Variants in KCNQ1 observed in about 807,000 individuals in gnomAD.
The protein encoded by KCNQ1 is potassium voltage-gated channel subfamily Q member 1.
KCNQ1 carries 49 observed loss-of-function variants against 72.4 expected under a neutral mutation model. The observed-to-expected ratio is 0.68, with a 90% CI of 0.54 to 0.86. KCNQ1 has a LOEUF of 0.86. Ranked by LOEUF, KCNQ1 falls within the 40% of genes least tolerant of loss-of-function variation. The pLI, the probability that KCNQ1 is intolerant of heterozygous loss-of-function variation, is 0.00. For missense variants in KCNQ1, 790 were observed against 945.1 expected, an observed-to-expected ratio of 0.84 and a Z score of 2.15; for synonymous variants, 450 against 412.6, an observed-to-expected ratio of 1.09 and a Z score of -1.10.
At chr11:2,545,850 A>G (rs1682513713) in intron 2 of KCNQ1, among the ~76,000 whole-genome samples, 1 of 152,194 alleles carries the variant, frequency 6.6e-6, no homozygotes, top group African/African-American at 2.4e-5. Context: ...CAGCTATAGA[A>G]TTTGTAGCAA....
rs547376040 is a variant in KCNQ1, at chr11:2,497,514, A to G, written c.387-30414A>G. On this transcript the variant is annotated intron_variant, in intron 1 of 15. Coordinates refer to ENST00000155840, the MANE Select transcript of KCNQ1 (RefSeq NM_000218.3). This position sits in a 1 kb window ranked among gnomAD's most constrained non-coding sequence, Gnocchi z 4.5. ...TTCTCATGCTGTGTTTTTCAGCTCCATGAGGTCATTTATGTTCCTCTCTAA... is the reference window on the plus strand; with the variant it reads ...TTCTCATGCTGTGTTTTTCAGCTCCGTGAGGTCATTTATGTTCCTCTCTAA... Among the ~76,000 whole-genome samples the G allele has an allele frequency of 1.1e-4, 17 of 152,266 alleles. No homozygotes were observed. The highest frequency in any genetic ancestry group is 3.9e-4 in the African/African-American group (16 of 41,536).
intron 15 of KCNQ1, among the ~76,000 whole-genome samples, chr11:2,847,540 C>T (rs561743255): frequency 2.2e-4 from 33 of 152,326 alleles, no homozygotes; most frequent in African/African-American, 7.0e-4. Context: ...CCAGCACGCA[C>T]GGGATGGACT....
Position 2,537,916 on chromosome 11 carries a change from A to G in KCNQ1, c.477+9898A>G, listed in dbSNP as rs1847761241. 1.3e-5 allele frequency among the ~76,000 whole-genome samples: 2 copies of G among 152,058 alleles called. No homozygotes were observed. The highest frequency in any genetic ancestry group is 2.4e-5 in the African/African-American group (1 of 41,374). On this transcript the variant is annotated intron_variant, in intron 2 of 15. Coordinates refer to ENST00000155840, the MANE Select transcript of KCNQ1 (RefSeq NM_000218.3). The surrounding 1 kb of genome is among the most constrained non-coding windows in gnomAD (Gnocchi z 5.2). ...TTTTTTGTAGAGATAGGGTTTTGCC[A>G]TGTTACCTAGGCTGGTCTTAAACTC...
chr11:2,820,443 C>T (rs962550047), intron 15 of KCNQ1, among the ~76,000 whole-genome samples: 1 of 152,154 alleles, frequency 6.6e-6, no homozygotes, highest in Non-Finnish European at 1.5e-5. Context: ...TCCTTTGGTG[C>T]CTAATAGGAT....
At chr11:2,616,498 T>C (rs1178169970) in intron 10 of KCNQ1, 1 of 397,792 alleles carries the variant, frequency 2.5e-6, no homozygotes, top group Non-Finnish European at 4.4e-6. Context: ...TATGGATCCT[T>C]CTTCTTTTTC....
Position 2,609,894 on chromosome 11 carries a change from T to TG in KCNQ1, c.1393+21042dup, listed in dbSNP as rs1375237046. ...CTTTTTCCATCCTTTTACTTTCAGT[T>TG]GGCATTTATCATCTAAAGTGTGCCT... On this transcript the variant is annotated intron_variant, in intron 10 of 15. Transcript: ENST00000155840. 18 of 398,132 alleles carry TG rather than the reference T, an allele frequency of 4.5e-5. No homozygotes were observed. The East Asian group carries it at 6.4e-4, about 14-fold the overall frequency. The allele number at this position is 398,132 out of a possible 1,614,324, so 24.7% of individuals were successfully genotyped here.
rs139929740 is a variant in KCNQ1 at position 2,486,013 on chromosome 11, A to G, written c.386+40529A>G. Among the ~76,000 whole-genome samples the G allele has an allele frequency of 6.6e-6, 1 of 152,338 alleles. No individual in the cohort carries two copies. Among genetic ancestry groups the G allele is most frequent in the Non-Finnish European group, 1.5e-5 (1 of 68,034 alleles). Reference sequence around the variant, plus strand: ...ATGCTACTATGAATATGGGTGTACAAATATCTTTTCAACGCCCTGCTTTCA... The same window carrying G: ...ATGCTACTATGAATATGGGTGTACAGATATCTTTTCAACGCCCTGCTTTCA... On this transcript the variant is annotated intron_variant, in intron 1 of 15. Coordinates refer to ENST00000155840, the MANE Select transcript of KCNQ1 (RefSeq NM_000218.3). The surrounding 1 kb of genome is among the most constrained non-coding windows in gnomAD (Gnocchi z 5.0).
chr11:2,675,430 G>A (rs1052175), intron 11 of KCNQ1: 12 of 398,466 alleles, frequency 3.0e-5, no homozygotes, highest in African/African-American at 1.0e-4. Flanking sequence ...GTCATTTTGC[G>A]TTAAAATAAA....
intron 2 of KCNQ1, among the ~76,000 whole-genome samples, 197 bp downstream of exon 2, chr11:2,528,215 A>AGG (rs758673293): frequency 2.1e-4 from 32 of 152,150 alleles, no homozygotes; most frequent in Non-Finnish European, 4.1e-4. Context: ...GCCACAGGCG[A>AGG]GGGGGACCAA....
chr11:2,529,318 T>G (rs768935498), intron 2 of KCNQ1, among the ~76,000 whole-genome samples: 2 of 152,142 alleles, frequency 1.3e-5, no homozygotes, highest in Non-Finnish European at 2.9e-5. Context: ...GGCAGGGCTT[T>G]CTTTTTCGGG....
Position 2,631,765 on chromosome 11 carries a change from G to A in KCNQ1, c.1394-30196G>A, listed in dbSNP as rs551718918. 282 of 398,648 alleles carry A rather than the reference G, an allele frequency of 7.1e-4. 1 individual carries two copies. Among genetic ancestry groups the A allele is most frequent in the African/African-American group, 5.4e-3 (263 of 48,756 alleles). The allele number at this position is 398,648 out of a possible 1,614,324, so 24.7% of individuals were successfully genotyped here. A position where few individuals can be genotyped will look rare whatever the true frequency, so the allele number is the denominator to read the frequency against. Reference sequence around the variant, plus strand: ...TACTCTTCTTGCAGCTCCATCAGCTGAGGTCAGCAGTGGCAAACATTACAA... The same window carrying A: ...TACTCTTCTTGCAGCTCCATCAGCTAAGGTCAGCAGTGGCAAACATTACAA... On this transcript the variant is annotated intron_variant, in intron 10 of 15. Transcript: ENST00000155840.
rs911156676 is a variant in KCNQ1, at chr11:2,624,408, C to A, written c.1393+35554C>A. On this transcript the variant is annotated intron_variant, in intron 10 of 15. Transcript: ENST00000155840. The surrounding 1 kb of genome is among the most constrained non-coding windows in gnomAD (Gnocchi z 4.9). ...GACAGTATGTTTTACAGAGCAGAAA[C>A]TTTTATTTTTAACAAAGTCTAGCTT... is the stretch of plus-strand genomic sequence containing the variant. 2 of 398,416 alleles carry A rather than the reference C, an allele frequency of 5.0e-6. No individual in the cohort carries two copies. Among genetic ancestry groups the A allele is most frequent in the Admixed American group, 8.8e-5 (2 of 22,722 alleles). 24.7% of individuals were successfully genotyped at this position (398,416 alleles called of 1,614,324 possible).
intron 10 of KCNQ1, chr11:2,619,617 T>C (rs902079461): frequency 6.3e-5 from 25 of 398,488 alleles, no homozygotes; most frequent in Non-Finnish European, 8.8e-5. Flanking sequence ...TATGTTGGCC[T>C]GTAGTTTCCT....
chr11:2,645,612 A>T lies in KCNQ1; in HGVS notation c.1394-16349A>T. The T allele has an allele frequency of 2.5e-6, 1 of 398,720 alleles. No homozygotes were observed. Among genetic ancestry groups the T allele is most frequent in the East Asian group, 3.6e-5 (1 of 28,068 alleles). The allele number at this position is 398,720 out of a possible 1,614,324, so 24.7% of individuals were successfully genotyped here. ...CATGCTTCGGCCCCAGGTGGTGACT[A>T]TGGGCAGGGTCACCTTTCCTCATGG... On this transcript the variant is annotated intron_variant, in intron 10 of 15. Coordinates refer to ENST00000155840, the MANE Select transcript of KCNQ1 (RefSeq NM_000218.3). The surrounding 1 kb of genome is among the most constrained non-coding windows in gnomAD (Gnocchi z 5.8).
At chr11:2,780,377 G>A (rs917526712) in intron 15 of KCNQ1, among the ~76,000 whole-genome samples, 7 of 152,206 alleles carry the variant, frequency 4.6e-5, no homozygotes, top group African/African-American at 1.2e-4. Flanking sequence ...TGCTGACTTC[G>A]GGAAGTAGGG....
At position 2,818,403 on chromosome 11, in the gene KCNQ1, T is replaced by A. The variant is rs1275102821; in HGVS notation, c.1795-29364T>A. Among the ~76,000 whole-genome samples, 1 of 152,118 alleles carries A rather than the reference T, an allele frequency of 6.6e-6. No individual in the cohort carries two copies. The highest frequency in any genetic ancestry group is 2.4e-5 in the African/African-American group (1 of 41,408). On this transcript the variant is annotated intron_variant, in intron 15 of 15. Transcript: ENST00000155840. The surrounding 1 kb of genome is among the most constrained non-coding windows in gnomAD (Gnocchi z 7.2). ...GGCTAAGGCCCCCACAGAGTGTGCA[T>A]CCTAAGGTGGTTCAGAGGTCCTCAG...
intron 15 of KCNQ1, among the ~76,000 whole-genome samples, chr11:2,811,805 G>A (rs1334446160): frequency 4.6e-5 from 7 of 152,192 alleles, no homozygotes; most frequent in Admixed American, 3.3e-4. Context: ...CAAAGAGGAG[G>A]GGCCGGCGAA....
intron 15 of KCNQ1, among the ~76,000 whole-genome samples, chr11:2,810,922 C>G (rs369450579): frequency 1.3e-4 from 20 of 152,364 alleles, no homozygotes; most frequent in African/African-American, 3.4e-4. Context: ...AGGGACAGGA[C>G]ATGGACCTCA....
chr11:2,574,526 TG>T (rs1387722428), intron 6 of KCNQ1, among the ~76,000 whole-genome samples: 1 of 152,184 alleles, frequency 6.6e-6, no homozygotes, highest in Non-Finnish European at 1.5e-5. Flanking sequence ...CCAGTCCGTC[TG>T]CCCCGAGTCC....
Sources: allele counts gnomAD v4.1 joint callset (sites outside exome capture counted in the v4.1 genomes callset), GRCh38; gene constraint gnomAD v4.1.1; non-coding constraint Gnocchi (gnomAD v3.1); transcripts MANE v1.5; gene names NCBI Gene and HGNC (gene_info 2026-07-23, HGNC 2026-07-21).